The following LINGO1 variants were observed in gnomAD, a reference collection of about 807,000 sequenced individuals.
LINGO1 encodes the protein leucine rich repeat and Ig domain containing 1, also known as leucine-rich repeat and immunoglobulin-like domain-containing nogo receptor-interacting protein 1.
Under a neutral mutation model 37.3 loss-of-function variants are expected in LINGO1, and 11 were observed. The ratio of observed to expected loss-of-function variants is 0.29; its 90% CI spans 0.19 to 0.49. The LOEUF is 0.49. LINGO1 is among the 20% of genes least tolerant of loss of function. The pLI is 0.99. For missense variants in LINGO1, 585 were observed against 878.2 expected (o/e 0.67, Z 4.22); for synonymous variants, 387 against 403.0 (o/e 0.96, Z 0.48).
At chr15:77,617,944 A>T (rs918801493) in intron 1 of LINGO1, among the ~76,000 whole-genome samples, 1 of 152,078 alleles carries the variant, frequency 6.6e-6, no homozygotes, top group Non-Finnish European at 1.5e-5. Context: ...AGCCCCTCTC[A>T]TCCTCTCTCC....
intron 3 of LINGO1, among the ~76,000 whole-genome samples, chr15:77,660,682 A>G (rs2074971019): frequency 6.6e-6 from 1 of 152,244 alleles, no homozygotes; most frequent in Admixed American, 6.5e-5. Context: ...AAGGGACTTC[A>G]TACATGCACA....
intron 1 of LINGO1, among the ~76,000 whole-genome samples, chr15:77,616,578 G>T (rs1250857587): frequency 1.3e-5 from 2 of 152,174 alleles, no homozygotes; most frequent in African/African-American, 4.8e-5. Flanking sequence ...ATTGCTGGGG[G>T]ACACCCTCAT....
chr15:77,709,633 G>C (rs1352361829), intron 2 of LINGO1, among the ~76,000 whole-genome samples: 2 of 152,234 alleles, frequency 1.3e-5, no homozygotes, highest in African/African-American at 4.8e-5. Context: ...GGCTGTTCCA[G>C]ACTGAAAGTG....
At chr15:77,657,813 G>C (rs2074898139) in intron 3 of LINGO1, among the ~76,000 whole-genome samples, 2 of 152,300 alleles carry the variant, frequency 1.3e-5, no homozygotes, top group Admixed American at 1.3e-4. Flanking sequence ...CTTGAGGGAG[G>C]GGGAGGAGGC....
chr15:77,630,209 A>C (rs909632736), intron 1 of LINGO1, among the ~76,000 whole-genome samples: 1 of 151,292 alleles, frequency 6.6e-6, no homozygotes, highest in African/African-American at 2.4e-5. Context: ...CACTTCCCCT[A>C]CCCTCCACTG....
upstream of LINGO1, among the ~76,000 whole-genome samples, chr15:77,633,030 G>T (rs539609415): frequency 6.6e-6 from 1 of 151,650 alleles, no homozygotes; most frequent in Non-Finnish European, 1.5e-5. Context: ...TGGTGGGGTG[G>T]GGGGTGGTTC....
intron 2 of LINGO1, among the ~76,000 whole-genome samples, chr15:77,731,104 C>G (rs776214032): frequency 5.9e-5 from 9 of 152,188 alleles, no homozygotes; most frequent in Non-Finnish European, 1.0e-4. Context: ...TTTTATTATT[C>G]CGGGTACCTT....
chr15:77,656,749 C>T (rs1013082771), intron 3 of LINGO1, among the ~76,000 whole-genome samples: 5 of 152,218 alleles, frequency 3.3e-5, no homozygotes, highest in Admixed American at 6.5e-5. Context: ...CTGCCTCCCC[C>T]GTCCCTCTGG....
rs563755693 is a variant in LINGO1, at chr15:77,625,269, T to C, written c.6+7041A>G. On this transcript the variant is annotated intron_variant, in intron 1 of 1. Coordinates refer to ENST00000355300, the MANE Select transcript of LINGO1 (RefSeq NM_032808.7). Reference sequence around the variant, plus strand: ...GCCAGAGAGCTAAATAGAATGACGATGAGAATGATGATTGGTAAACCCCTC... The same window carrying C: ...GCCAGAGAGCTAAATAGAATGACGACGAGAATGATGATTGGTAAACCCCTC... Among the ~76,000 whole-genome samples, 4 of 152,318 alleles carry C rather than the reference T, an allele frequency of 2.6e-5. No individual in the cohort carries two copies. In the East Asian group the frequency reaches 7.7e-4, roughly 29 times the overall value.
At chr15:77,756,676 T>C (rs945343991) in intron 1 of LINGO1, among the ~76,000 whole-genome samples, 1 of 152,236 alleles carries the variant, frequency 6.6e-6, no homozygotes, top group Non-Finnish European at 1.5e-5. Flanking sequence ...TTTCAATTAC[T>C]TCTGCACATT....
chr15:77,672,247 T>G (rs1011413682), intron 3 of LINGO1, among the ~76,000 whole-genome samples: 3 of 150,624 alleles, frequency 2.0e-5, no homozygotes, highest in Admixed American at 2.0e-4. Context: ...TGTAGATTGC[T>G]GGGTACCCAA....
chr15:77,802,465 G>C (rs3935182), intron 1 of LINGO1, among the ~76,000 whole-genome samples: 78,201 of 151,850 alleles, frequency 0.51, 20,666 homozygotes, highest in South Asian at 0.62. Flanking sequence ...AGGCAGCCAG[G>C]AGGCCTGCAG....
intron 1 of LINGO1, among the ~76,000 whole-genome samples, chr15:77,695,649 G>C (rs919005337): frequency 7.9e-5 from 12 of 152,310 alleles, no homozygotes; most frequent in South Asian, 4.1e-4. Flanking sequence ...TGAGGGAGTA[G>C]AGGGGCCAGC....
chr15:77,639,737 C>T (rs2074463528), intron 3 of LINGO1, among the ~76,000 whole-genome samples: 1 of 152,194 alleles, frequency 6.6e-6, no homozygotes, highest in African/African-American at 2.4e-5. Flanking sequence ...CCATTTATCT[C>T]AAGTTTAAAA....
chr15:77,705,042 T>C (rs536675697), intron 2 of LINGO1, among the ~76,000 whole-genome samples: 2 of 152,244 alleles, frequency 1.3e-5, no homozygotes, highest in Admixed American at 6.5e-5. Flanking sequence ...TTCTGTCATA[T>C]AAGCCGGCTC....
At chr15:77,782,792 G>T (rs1304577328) in intron 1 of LINGO1, among the ~76,000 whole-genome samples, 1 of 151,816 alleles carries the variant, frequency 6.6e-6, no homozygotes, top group African/African-American at 2.4e-5. Flanking sequence ...CCCCTCAAGG[G>T]TCCCTGCTCT....
intron 2 of LINGO1, among the ~76,000 whole-genome samples, chr15:77,689,128 C>T (rs761005185): frequency 7.2e-5 from 11 of 152,120 alleles, no homozygotes; most frequent in African/African-American, 1.9e-4. Context: ...CAACAGGAAC[C>T]GCAGGTGAAG....
intron 3 of LINGO1, among the ~76,000 whole-genome samples, chr15:77,642,843 G>C (rs2074539656): frequency 6.6e-6 from 1 of 152,222 alleles, no homozygotes; most frequent in African/African-American, 2.4e-5. Flanking sequence ...TCTTCTCCCA[G>C]GGGTCCTCTC....
intron 1 of LINGO1, among the ~76,000 whole-genome samples, chr15:77,814,819 C>T (rs554296539): frequency 6.6e-5 from 10 of 152,314 alleles, no homozygotes; most frequent in South Asian, 2.1e-4. Flanking sequence ...TCAGAATCAG[C>T]GCCTAGGGTT....
Sources: gnomAD v4.1 joint callset for allele counts (sites outside exome capture counted in the v4.1 genomes callset) on GRCh38, gnomAD v4.1.1 for gene constraint, MANE v1.5 for transcripts, NCBI Gene and HGNC (gene_info 2026-07-23, HGNC 2026-07-21) for gene names.